BOP1: variants seen among roughly 807,000 people sequenced by gnomAD.
BOP1 encodes the protein ribosome biogenesis protein BOP1.
In BOP1, 54 loss-of-function variants were observed where a neutral mutation model predicts 82.9. That is an observed-to-expected ratio of 0.65 (90% CI 0.52 to 0.82). The LOEUF (loss-of-function observed/expected upper bound fraction) is 0.82, where lower values mean the gene tolerates loss of function less well. BOP1 is among the 40% of genes least tolerant of loss of function. The probability of loss-of-function intolerance (pLI) is 0.00; values close to 1 mark genes in which losing one functional copy is unlikely to be tolerated. For synonymous variants in BOP1, 566 were observed against 451.1 expected, an observed-to-expected ratio of 1.25 and a Z score of -3.23; for missense variants, 1,170 against 1,072.0, an observed-to-expected ratio of 1.09 and a Z score of -1.28.
At chr8:144,273,278 GC>G in intron 3 of BOP1, among the ~76,000 whole-genome samples, 1 of 152,210 alleles carries the variant, frequency 6.6e-6, no homozygotes, top group South Asian at 2.1e-4. Flanking sequence ...GGGACCACGG[GC>G]TCTGGACGCA....
chr8:144,287,040 C>T (rs1157297915), intron 2 of BOP1, among the ~76,000 whole-genome samples: 1 of 152,260 alleles, frequency 6.6e-6, no homozygotes, highest in Non-Finnish European at 1.5e-5. Flanking sequence ...GGCAGAGCCT[C>T]ACTCTGTCAC....
At chr8:144,279,218 T>A (rs1344220517) in intron 2 of BOP1, among the ~76,000 whole-genome samples, 2 of 149,974 alleles carry the variant, frequency 1.3e-5, no homozygotes, top group Non-Finnish European at 3.0e-5. Flanking sequence ...CCAAGACCAC[T>A]GCGTGCCACG....
intron 3 of BOP1, among the ~76,000 whole-genome samples, chr8:144,271,235 C>T (rs4977198): frequency 0.57 from 87,222 of 151,870 alleles, 25,603 homozygotes; most frequent in Non-Finnish European, 0.62. Flanking sequence ...GATGAGCCCC[C>T]TTCCCTCCCC....
Position 144,291,367 on chromosome 8 carries a change from C to A in BOP1, c.4G>T (p.Ala2Ser). 8.1e-7 allele frequency: 1 copy of A among 1,230,404 alleles called. No homozygotes were observed. Among genetic ancestry groups the A allele is most frequent in the Non-Finnish European group, 1.0e-6 (1 of 989,314 alleles). 76.2% of individuals were successfully genotyped at this position (1,230,404 alleles called of 1,614,324 possible). M[A>S]GSRGAGRTAA... ...GTGCGCCCCGCACCCCGCGAACCCG[C>A]CATGCCCCACCGCGCGCCGGCCGCC... is the stretch of plus-strand genomic sequence containing the variant. The change falls in exon 1 of 16, where the codon GCG becomes TCG. Residue 2 changes from alanine (A) to serine (S), a missense_variant. Coordinates refer to ENST00000569669, the MANE Select transcript of BOP1 (RefSeq NM_015201.5). This position sits in a 1 kb window ranked among gnomAD's most constrained non-coding sequence, Gnocchi z 4.1.
rs1392296590 is a variant in BOP1, at chr8:144,263,345, C to T, written c.1481G>A (p.Ser494Asn). ...PALGDRLVAG[S>N]TDQLLSAFVP... ...GAAGGCGCTCAACAGCTGATCTGTG[C>T]TGCCCGCCACCAGCCGGTCCCCCAG... Residue 494 changes from serine (S) to asparagine (N), a missense_variant, in exon 12 of 16, where the codon AGC becomes AAC. Ser to Asn is a conservative substitution (Grantham distance 46, BLOSUM62 1). Transcript: ENST00000569669. 2.0e-5 allele frequency: 32 copies of T among 1,595,230 alleles called. No individual in the cohort carries two copies. In the Middle Eastern group the frequency reaches 2.3e-3, roughly 113 times the overall value.
intron 2 of BOP1, among the ~76,000 whole-genome samples, chr8:144,287,416 G>A (rs1047178412): frequency 8.5e-5 from 13 of 152,226 alleles, no homozygotes; most frequent in African/African-American, 2.4e-4. Context: ...CTGTGCTCAC[G>A]GGTTAGGTGT....
Position 144,287,888 on chromosome 8 carries a change from G to A in BOP1, c.309+1207C>T, listed in dbSNP as rs549842640. Among the ~76,000 whole-genome samples the A allele has an allele frequency of 4.3e-4, 65 of 152,274 alleles. 2 individuals carry two copies. The South Asian group carries it at 0.013, about 31-fold the overall frequency. On this transcript the variant is annotated intron_variant, in intron 2 of 15. Transcript: ENST00000569669. ...ATGGTTCCTTGGCTTCTATCACGGG[G>A]ACCTCTGCCAAGGCCGTAACTTCCA...
At position 144,263,046 on chromosome 8, in the gene BOP1, G is replaced by C; in HGVS notation, c.1701C>G (p.Ser567Arg). Reference sequence around the variant, plus strand: ...GGAACGGACTCTGGCTGCGGCGACGGCTCAGCTGGTGAATCAGCACCTGGG... The same window carrying C: ...GGAACGGACTCTGGCTGCGGCGACGCCTCAGCTGGTGAATCAGCACCTGGG... The part of the protein sequence containing the change: ...GHTQVLIHQL[S>R]RRRSQSPFRR... The change falls in exon 13 of 16, where the codon AGC (serine) becomes AGG (arginine). Residue 567 changes from serine to arginine, a missense_variant. Ser to Arg is a moderately radical substitution (Grantham distance 110). Coordinates refer to ENST00000569669, the MANE Select transcript of BOP1 (RefSeq NM_015201.5). 1 of 1,578,820 alleles carries C rather than the reference G, an allele frequency of 6.3e-7. No individual in the cohort carries two copies. Among genetic ancestry groups the C allele is most frequent in the Non-Finnish European group, 8.5e-7 (1 of 1,171,412 alleles).
intron 3 of BOP1, among the ~76,000 whole-genome samples, chr8:144,274,353 C>A (rs1007829408): frequency 6.6e-6 from 1 of 152,200 alleles, no homozygotes; most frequent in Non-Finnish European, 1.5e-5. Flanking sequence ...GGCTGCCTGA[C>A]GGGCCCTGCT....
chr8:144,268,299 CG>C, intron 3 of BOP1: 1 of 1,099,000 alleles, frequency 9.1e-7, no homozygotes, highest in Non-Finnish European at 1.3e-6. Flanking sequence ...GAGGGACAGA[CG>C]GACGTACAGA....
At chr8:144,267,231 C>A (rs1334343983) in intron 3 of BOP1, 17 of 1,466,716 alleles carry the variant, frequency 1.2e-5, no homozygotes, top group Non-Finnish European at 1.4e-5. Flanking sequence ...CGCCCCTCAG[C>A]CCACACCTGC....
chr8:144,264,467 G>T, intron 6 of BOP1, 30 bp from the exon 7 acceptor site: 1 of 1,607,082 alleles, frequency 6.2e-7, no homozygotes, highest in Admixed American at 1.7e-5. Context: ...AGGACGGGCA[G>T]TGCGGGGCGG....
intron 2 of BOP1, among the ~76,000 whole-genome samples, chr8:144,277,529 C>T (rs907168885): frequency 2.6e-5 from 4 of 152,388 alleles, no homozygotes; most frequent in East Asian, 1.9e-4. Context: ...AAGCACCGCA[C>T]GCTGGAGTCC....
chr8:144,263,227 G>A lies in BOP1; in HGVS notation c.1599C>T (p.His533=), dbSNP rs782553719. ...RQVGLRLRIC[H]GKPVTQVTWH... ...CCCAAGGCGCCCCACGTACCTTCCC[G>A]TGGCAGATGCGCAGCCGCAGGCCCA... The change falls in exon 12 of 16, where the codon CAC becomes CAT. Residue 533 remains histidine, a synonymous_variant. Transcript: ENST00000569669. 20 of 1,594,688 alleles carry A rather than the reference G, an allele frequency of 1.3e-5. No homozygotes were observed. Among genetic ancestry groups the A allele is most frequent in the South Asian group, 4.4e-5 (4 of 90,812 alleles).
In BOP1 at chr8:144,284,484, A is replaced by G. The variant is rs545719912; in HGVS notation, c.309+4611T>C. On this transcript the variant is annotated intron_variant, in intron 2 of 15. Transcript: ENST00000569669. The stretch of plus-strand genomic sequence containing the variant: ...GCACTCTACGGGCACCAAGCACTGT[A>G]CAAACCAGAGCCATGGCCTCCCTGA... Among the ~76,000 whole-genome samples, 3 of 152,332 alleles carry G rather than the reference A, an allele frequency of 2.0e-5. No homozygotes were observed. In the South Asian group the frequency reaches 6.2e-4, roughly 32 times the overall value.
intron 3 of BOP1, among the ~76,000 whole-genome samples, chr8:144,274,920 G>A (rs894932116): frequency 3.9e-4 from 60 of 152,360 alleles, no homozygotes; most frequent in Non-Finnish European, 7.5e-4. Flanking sequence ...CCTGGGAGGG[G>A]GAGGGGAGAC....
At chr8:144,266,419 G>A (rs1588590586) in intron 3 of BOP1, 2 of 802,034 alleles carry the variant, frequency 2.5e-6, no homozygotes, top group Non-Finnish European at 3.0e-6. Flanking sequence ...GGGCCGGGAC[G>A]CCGCTATAAA....
At chr8:144,289,651 C>T (rs1444721826) in intron 1 of BOP1, among the ~76,000 whole-genome samples, 2 of 152,198 alleles carry the variant, frequency 1.3e-5, no homozygotes, top group African/African-American at 4.8e-5. Context: ...ACTCCGGAGG[C>T]CCTGTGGGGT....
At chr8:144,282,099 C>T (rs1845694525) in intron 2 of BOP1, among the ~76,000 whole-genome samples, 1 of 152,274 alleles carries the variant, frequency 6.6e-6, no homozygotes, top group Non-Finnish European at 1.5e-5. Flanking sequence ...GCCCTGCAAC[C>T]AGTCCTCGCT....
Sources: allele counts gnomAD v4.1 joint callset (sites outside exome capture counted in the v4.1 genomes callset), GRCh38; gene constraint gnomAD v4.1.1; non-coding constraint Gnocchi (gnomAD v3.1); transcripts MANE v1.5; gene names NCBI Gene and HGNC (gene_info 2026-07-23, HGNC 2026-07-21).